The following GARIN1B variants were observed in gnomAD, a reference collection of about 807,000 sequenced individuals.
GARIN1B encodes golgi associated RAB2 interactor 1B, also known as Golgi-associated RAB2 interactor protein 1B.
At chr7:128,713,895 G>A in the GARIN1B span, 15 of 1,106,270 alleles carry the variant, frequency 1.4e-5, no homozygotes, top group Non-Finnish European at 1.9e-5. Flanking sequence ...TAATTACTAC[G>A]CTTTTGTGCT....
At chr7:128,727,546 C>T in the GARIN1B span, among the ~76,000 whole-genome samples, 1 of 152,166 alleles carries the variant, frequency 6.6e-6, no homozygotes, top group South Asian at 2.1e-4. Context: ...GCAGCCAGTT[C>T]CCTATTTCCA....
At chr7:128,723,118 G>A in the GARIN1B span, 1 of 1,432,604 alleles carries the variant, frequency 7.0e-7, no homozygotes, top group Non-Finnish European at 9.3e-7. Context: ...CAACACTTTA[G>A]AGTCTGGACC....
the GARIN1B span, chr7:128,713,900 T>G: frequency 1.6e-5 from 19 of 1,178,356 alleles, no homozygotes; most frequent in Non-Finnish European, 2.3e-5. Flanking sequence ...ACTACGCTTT[T>G]GTGCTGTGTG....
the GARIN1B span, among the ~76,000 whole-genome samples, chr7:128,709,642 T>G: frequency 2.6e-5 from 4 of 152,124 alleles, no homozygotes; most frequent in Non-Finnish European, 5.9e-5. Flanking sequence ...TGCTTCTTCT[T>G]TCTGGATGTT....
chr7:128,719,697 CTTTTTTT>C, the GARIN1B span, among the ~76,000 whole-genome samples: 1 of 99,020 alleles, frequency 1.0e-5, no homozygotes, highest in Non-Finnish European at 1.9e-5. Flanking sequence ...TTTTGTTTTG[CTTTTTTT>C]TTTTTTTTTT....
chr7:128,722,297 C>T, the GARIN1B span, among the ~76,000 whole-genome samples: 1 of 152,248 alleles, frequency 6.6e-6, no homozygotes, highest in African/African-American at 2.4e-5. Context: ...TCCATGAAGG[C>T]AGGGGTTTCT....
the GARIN1B span, among the ~76,000 whole-genome samples, chr7:128,727,754 C>T: frequency 6.6e-6 from 1 of 152,138 alleles, no homozygotes; most frequent in Non-Finnish European, 1.5e-5. Context: ...CCACTCCCTT[C>T]CCCCGATGCT....
the GARIN1B span, among the ~76,000 whole-genome samples, chr7:128,722,926 T>A: frequency 5.5e-4 from 84 of 152,184 alleles, no homozygotes; most frequent in Non-Finnish European, 1.8e-4. Context: ...ATACATTATA[T>A]TAAGGTATAT....
the GARIN1B span, among the ~76,000 whole-genome samples, chr7:128,729,296 C>T: frequency 2.0e-5 from 3 of 152,198 alleles, no homozygotes; most frequent in African/African-American, 7.2e-5. Context: ...CTGAATCTTT[C>T]CACTCACCAC....
chr7:128,709,447 G>C, the GARIN1B span, among the ~76,000 whole-genome samples: 1 of 152,102 alleles, frequency 6.6e-6, no homozygotes, highest in Non-Finnish European at 1.5e-5. Flanking sequence ...ATTTATTTTA[G>C]TGTGCTTAGT....
the GARIN1B span, among the ~76,000 whole-genome samples, chr7:128,730,570 C>T: frequency 6.6e-6 from 1 of 152,164 alleles, no homozygotes; most frequent in Admixed American, 6.5e-5. Context: ...CTATGTGCCT[C>T]TGTTTGACCA....
the GARIN1B span, chr7:128,714,252 T>G: frequency 9.8e-7 from 1 of 1,015,252 alleles, no homozygotes; most frequent in African/African-American, 1.6e-5. Flanking sequence ...GTGTTACATT[T>G]GACCTTGATG....
the GARIN1B span, among the ~76,000 whole-genome samples, chr7:128,711,578 A>C: frequency 6.6e-6 from 1 of 152,182 alleles, no homozygotes; most frequent in Non-Finnish European, 1.5e-5. Context: ...ACTCAAAGGC[A>C]GAGAGTATCA....
chr7:128,716,976 C>T, the GARIN1B span: 1 of 1,611,264 alleles, frequency 6.2e-7, no homozygotes, highest in Non-Finnish European at 8.5e-7. Flanking sequence ...CCATCCATAG[C>T]CCCCAACATC....
the GARIN1B span, among the ~76,000 whole-genome samples, chr7:128,726,228 G>A: frequency 1.3e-5 from 2 of 152,258 alleles, no homozygotes; most frequent in South Asian, 4.1e-4. Flanking sequence ...CATGCTAGCT[G>A]TTGCCTGACA....
the GARIN1B span, among the ~76,000 whole-genome samples, chr7:128,722,955 G>T: frequency 1.3e-5 from 2 of 152,122 alleles, no homozygotes; most frequent in Non-Finnish European, 2.9e-5. Flanking sequence ...ATAAGTATCT[G>T]TTAAGTAATG....
At chr7:128,720,873 T>A in the GARIN1B span, among the ~76,000 whole-genome samples, 1 of 152,212 alleles carries the variant, frequency 6.6e-6, no homozygotes. Context: ...TGTAGCTTTA[T>A]ATTAAGTTTG....
At chr7:128,724,970 A>G in the GARIN1B span, 4 of 978,652 alleles carry the variant, frequency 4.1e-6, no homozygotes, top group Non-Finnish European at 5.3e-6. Context: ...AGATCTGTAA[A>G]ATGGAAATGA....
the GARIN1B span, among the ~76,000 whole-genome samples, chr7:128,721,909 A>G: frequency 6.6e-6 from 1 of 151,898 alleles, no homozygotes; most frequent in Non-Finnish European, 1.5e-5. Context: ...ACATGAATTG[A>G]TTTTTTTTAA....
Sources: allele counts gnomAD v4.1 joint callset (sites outside exome capture counted in the v4.1 genomes callset), GRCh38; gene constraint gnomAD v4.1.1; transcripts MANE v1.5; gene names NCBI Gene and HGNC (gene_info 2026-07-23, HGNC 2026-07-21).